The following PSKH2 variants were observed in gnomAD, a reference collection of about 807,000 sequenced individuals.
PSKH2 encodes serine/threonine-protein kinase H2.
A neutral mutation model predicts 22.5 loss-of-function variants in PSKH2; 16 were observed. The observed-to-expected ratio is 0.71, with a 90% confidence interval of 0.48 to 1.08. The LOEUF is 1.08. Among genes scored for constraint, PSKH2 ranks in the 50% least tolerant of loss-of-function variants. The pLI is 0.00. For missense variants in PSKH2, 516 were observed against 492.8 expected, an observed-to-expected ratio of 1.05 and a Z score of -0.44; for synonymous variants, 188 against 184.8, an observed-to-expected ratio of 1.02 and a Z score of -0.14.
intron 2 of PSKH2, among the ~76,000 whole-genome samples, chr8:86,054,842 C>T (rs191339427): frequency 6.6e-6 from 1 of 152,230 alleles, no homozygotes; most frequent in Admixed American, 6.5e-5. Context: ...TTTCTTTACT[C>T]ATAAGGAAAA....
chr8:86,050,058 A>G (rs573777428), intron 2 of PSKH2, among the ~76,000 whole-genome samples: 1 of 152,352 alleles, frequency 6.6e-6, no homozygotes, highest in African/African-American at 2.4e-5. Context: ...ACAGCTAAGT[A>G]GTTCCTATTT....
rs372808822 is a variant in PSKH2, at chr8:86,069,487, T to A, written c.136A>T (p.Ile46Leu). 43 of 1,608,812 alleles carry A rather than the reference T, an allele frequency of 2.7e-5. No homozygotes were observed. Among genetic ancestry groups the A allele is most frequent in the Non-Finnish European group, 3.4e-5 (40 of 1,178,530 alleles). Reference protein sequence around the residue: ...PEAAAQAAQRIQVARFRAKFD... With the variant: ...PEAAAQAAQRLQVARFRAKFD... ...TTGGCTCGGAAGCGAGCCACCTGTATCCTCTGCGCCGCCTGGGCCGCCGCC... is the reference window on the plus strand; with the variant it reads ...TTGGCTCGGAAGCGAGCCACCTGTAACCTCTGCGCCGCCTGGGCCGCCGCC... Residue 46 changes from isoleucine (I) to leucine (L), a missense_variant, in exon 1 of 3, where the codon ATA becomes TTA. Ile to Leu is a conservative substitution (Grantham distance 5). Transcript: ENST00000276616.
chr8:86,049,621 G>C (rs998125173), intron 2 of PSKH2, among the ~76,000 whole-genome samples: 1 of 140,040 alleles, frequency 7.1e-6, no homozygotes, highest in Admixed American at 7.1e-5. Context: ...GAGAGGCAGA[G>C]AGAGAGAAGA....
chr8:86,061,708 G>A (rs1817779351), intron 2 of PSKH2, among the ~76,000 whole-genome samples: 1 of 152,198 alleles, frequency 6.6e-6, no homozygotes, highest in Non-Finnish European at 1.5e-5. Flanking sequence ...GAGTCCCAGT[G>A]ATCTAGTTGA....
chr8:86,054,668 G>T (rs564241908), intron 2 of PSKH2, among the ~76,000 whole-genome samples: 246 of 152,278 alleles, frequency 1.6e-3, no homozygotes, highest in African/African-American at 5.5e-3. Context: ...AGAATGCTCT[G>T]TCTGCTGGGG....
intron 1 of PSKH2, chr8:86,066,577 G>T (rs913026600): frequency 3.3e-5 from 5 of 152,030 alleles, no homozygotes; most frequent in African/African-American, 9.7e-5. Context: ...CAGGGAGAAG[G>T]CACGTTTTTA....
Position 86,052,344 on chromosome 8 carries a change from A to G in PSKH2, c.853-3577T>C, listed in dbSNP as rs531870318. Among the ~76,000 whole-genome samples the G allele has an allele frequency of 3.3e-5, 5 of 152,336 alleles. No homozygotes were observed. The South Asian group carries it at 1.0e-3, about 32-fold the overall frequency. On this transcript the variant is annotated intron_variant, in intron 2 of 2. Transcript: ENST00000276616. The stretch of plus-strand genomic sequence containing the variant: ...CGTTTCTCGACAGTCTCAGGTAGAC[A>G]TGACCCCGAGTCCCACTGCTAACCC...
At chr8:86,054,042 C>CAAAGAAACAAAAATTATTT (rs1817668381) in intron 2 of PSKH2, among the ~76,000 whole-genome samples, 2 of 151,982 alleles carry the variant, frequency 1.3e-5, no homozygotes, top group African/African-American at 2.4e-5. Flanking sequence ...TCTCAAAATA[C>CAAAGAAACAAAAATTATTT]AAAGAAACAA....
intron 2 of PSKH2, among the ~76,000 whole-genome samples, chr8:86,049,910 C>T (rs1457389234): frequency 1.3e-5 from 2 of 150,322 alleles, no homozygotes; most frequent in South Asian, 2.1e-4. Context: ...AAGTGAAGTG[C>T]ACTTCCTCAA....
chr8:86,050,411 T>C (rs1817613964), intron 2 of PSKH2, among the ~76,000 whole-genome samples: 2 of 152,218 alleles, frequency 1.3e-5, no homozygotes, highest in African/African-American at 4.8e-5. Context: ...CCATCACTCA[T>C]ACCCCACAGT....
At position 86,054,325 on chromosome 8, in the gene PSKH2, T is replaced by C. The variant is rs577684983; in HGVS notation, c.853-5558A>G. 3.9e-5 allele frequency among the ~76,000 whole-genome samples: 6 copies of C among 152,344 alleles called. No individual in the cohort carries two copies. In the South Asian group the frequency reaches 1.2e-3, roughly 32 times the overall value. ...TATCTCCACAAAAAATCATAAGTTT[T>C]ATTAAAAATTTCTACTCATGACAAC... On this transcript the variant is annotated intron_variant, in intron 2 of 2. Coordinates refer to ENST00000276616, the MANE Select transcript of PSKH2 (RefSeq NM_033126.3).
chr8:86,064,184 C>T lies in PSKH2; in HGVS notation c.633G>A (p.Gly211=). 6.2e-7 allele frequency: 1 copy of T among 1,613,720 alleles called. No homozygotes were observed. The highest frequency in any genetic ancestry group is 8.5e-7 in the Non-Finnish European group (1 of 1,179,912). ...TCATTGTCCAGTCACCACTTTTTTT[C>T]CCGGAGTATGCCAAACCAAAATCTG... is the stretch of plus-strand genomic sequence containing the variant. ...LITDFGLAYS[G]KKSGDWTMKT... Residue 211 remains glycine (G), a synonymous_variant, in exon 2 of 3, where the codon GGG becomes GGA. Transcript: ENST00000276616.
chr8:86,064,903 A>T (rs1468151023), intron 1 of PSKH2, among the ~76,000 whole-genome samples: 1 of 152,202 alleles, frequency 6.6e-6, no homozygotes, highest in African/African-American at 2.4e-5. Context: ...AACAATTTTT[A>T]AAAATCTTAT....
chr8:86,051,510 A>G (rs1230235846), intron 2 of PSKH2, among the ~76,000 whole-genome samples: 1 of 152,244 alleles, frequency 6.6e-6, no homozygotes, highest in Non-Finnish European at 1.5e-5. Context: ...AAAATAAATA[A>G]GCATATCTGA....
At chr8:86,066,077 C>T (rs556249365) in intron 1 of PSKH2, among the ~76,000 whole-genome samples, 5 of 152,120 alleles carry the variant, frequency 3.3e-5, no homozygotes, top group Admixed American at 6.5e-5. Context: ...GATTGTATAG[C>T]TGGAAAGAAT....
chr8:86,059,804 T>C (rs1190922818), intron 2 of PSKH2, among the ~76,000 whole-genome samples: 1 of 152,226 alleles, frequency 6.6e-6, no homozygotes, highest in Non-Finnish European at 1.5e-5. Context: ...CTTGACGATA[T>C]GGGAAACCAA....
At chr8:86,068,251 T>C (rs1817892366) in intron 1 of PSKH2, among the ~76,000 whole-genome samples, 1 of 152,178 alleles carries the variant, frequency 6.6e-6, no homozygotes, top group Non-Finnish European at 1.5e-5. Context: ...CAGAGCACTG[T>C]GACGAAGTGA....
Position 86,069,496 on chromosome 8 carries a change from C to A in PSKH2, c.127G>T (p.Ala43Ser). The A allele has an allele frequency of 6.2e-7, 1 of 1,608,984 alleles. No homozygotes were observed. Among genetic ancestry groups the A allele is most frequent in the Non-Finnish European group, 8.5e-7 (1 of 1,178,430 alleles). The change falls in exon 1 of 3, where the codon GCG (alanine) becomes TCG (serine). Residue 43 changes from alanine (A) to serine (S), a missense_variant. By Grantham distance (99) the Ala-to-Ser change is moderately conservative (BLOSUM62 1). Transcript: ENST00000276616. ...GPGPEAAAQA[A>S]QRIQVARFRA... ...AAGCGAGCCACCTGTATCCTCTGCG[C>A]CGCCTGGGCCGCCGCCTCGGGCCCA... is the stretch of plus-strand genomic sequence containing the variant.
At chr8:86,057,146 A>G (rs1267798766) in intron 2 of PSKH2, among the ~76,000 whole-genome samples, 1 of 151,118 alleles carries the variant, frequency 6.6e-6, no homozygotes, top group Non-Finnish European at 1.5e-5. Context: ...CTGGCCTTGA[A>G]CTCTTGGGCT....
Sources: allele counts gnomAD v4.1 joint callset (sites outside exome capture counted in the v4.1 genomes callset), GRCh38; gene constraint gnomAD v4.1.1; transcripts MANE v1.5; gene names NCBI Gene and HGNC (gene_info 2026-07-23, HGNC 2026-07-21).